Variants in SPTA1 observed in about 807,000 individuals in gnomAD.
SPTA1 encodes spectrin alpha chain, erythrocytic 1.
SPTA1 carries 177 observed loss-of-function variants against 324.7 expected under a neutral mutation model. The observed-to-expected ratio is 0.55, with a 90% confidence interval of 0.48 to 0.62. The LOEUF is 0.62. Among genes scored for constraint, SPTA1 ranks in the 20% least tolerant of loss-of-function variants. SPTA1 has a pLI of 0.00. For synonymous variants in SPTA1, 1,195 were observed against 1,041.3 expected, an observed-to-expected ratio of 1.15 and a Z score of -2.84; for missense variants, 3,162 against 2,883.6, an observed-to-expected ratio of 1.10 and a Z score of -2.21.
chr1:158,667,210 TATGTTTATAGATG>T (rs928953679), intron 15 of SPTA1, among the ~76,000 whole-genome samples: 6 of 152,190 alleles, frequency 3.9e-5, no homozygotes, highest in South Asian at 2.1e-4. Context: ...AAGGAAAAGT[TATGTTTATAGATG>T]ATGTTTATAA....
At position 158,661,272 on chromosome 1, in the gene SPTA1, C is replaced by T. The variant is rs1264135527; in HGVS notation, c.2587+15G>A. 4 of 1,613,658 alleles carry T rather than the reference C, an allele frequency of 2.5e-6. No individual in the cohort carries two copies. The African/African-American group carries it at 5.3e-5, about 22-fold the overall frequency. On this transcript the variant is annotated intron_variant, in intron 18 of 51. Transcript: ENST00000643759. ...CTGGTGATGTTTTGTCCAACTGAAT[C>T]TCAATCATACATACCTTCCTCTACC...
Position 158,623,138 on chromosome 1 carries a change from T to C in SPTA1, c.5965A>G (p.Thr1989Ala), listed in dbSNP as rs763995272. The C allele has an allele frequency of 8.7e-6, 14 of 1,614,018 alleles. No homozygotes were observed. The Middle Eastern group carries it at 6.6e-4, about 76-fold the overall frequency. Residue 1989 changes from threonine to alanine, a missense_variant, in exon 43 of 52, where the codon ACT becomes GCT. Transcript: ENST00000643759. Reference protein sequence around the residue: ...SFQQERLPEITDLKDKLISAQ... With the variant: ...SFQQERLPEIADLKDKLISAQ... ...GAAATCAGTTTGTCCTTCAGGTCAG[T>C]GATCTCGGGAAGTCTCTCTTGCTGG...
rs371290853 is a variant in SPTA1, at chr1:158,642,540, C to T, written c.4608G>A (p.Arg1536=). 1.2e-5 allele frequency: 20 copies of T among 1,613,246 alleles called. No homozygotes were observed. The highest frequency in any genetic ancestry group is 2.7e-5 in the African/African-American group (2 of 74,812). Residue 1536 remains arginine, a splice_region_variant and synonymous_variant, in exon 33 of 52, where the codon AGG becomes AGA. Transcript: ENST00000643759. ...ESYKDATNIQ[R]KYLKHQTFAH... is the part of the protein sequence containing the mutation. ...CAAAGGTCTGGTGTTTCAGGTATTT[C>T]CTCTGAAGGGAAAATGAAACAGAAA... is the stretch of plus-strand genomic sequence containing the variant.
intron 51 of SPTA1, 125 bp downstream of exon 51, chr1:158,612,692 T>C (rs1649332739): frequency 2.9e-6 from 3 of 1,019,562 alleles, no homozygotes; most frequent in Middle Eastern, 2.1e-4. Flanking sequence ...TGACATCTTG[T>C]GAAAGGGGAG....
intron 16 of SPTA1, 110 bp downstream of exon 16, chr1:158,666,206 T>TATTACTTATTAAGTAATTAATAAGTAATA (rs1194924064): frequency 1.1e-4 from 120 of 1,070,634 alleles, no homozygotes; most frequent in African/African-American, 8.3e-4. Flanking sequence ...CATTGCTTAT[T>TATTACTTATTAAGTAATTAATAAGTAATA]ATTACTTATT....
intron 26 of SPTA1, 86 bp downstream of exon 26, chr1:158,648,423 A>T: frequency 6.3e-7 from 1 of 1,575,340 alleles, no homozygotes; most frequent in East Asian, 2.2e-5. Context: ...TAAAAGACTG[A>T]AAAAGAGAAC....
rs779691918 is a variant in SPTA1, at chr1:158,614,323, A to AC, written c.6789-18_6789-17insG. 13 of 1,575,468 alleles carry AC rather than the reference A, an allele frequency of 8.3e-6. No individual in the cohort carries two copies. The highest frequency in any genetic ancestry group is 1.0e-5 in the Non-Finnish European group (12 of 1,149,480). On this transcript the variant is annotated splice_polypyrimidine_tract_variant and intron_variant, in intron 48 of 51. Coordinates refer to ENST00000643759, the MANE Select transcript of SPTA1 (RefSeq NM_003126.4). ...TTGATGTCCCTGAAAGAAAAAAAAA[A>AC]AACATGAATTTTCCCTGTATATGAA...
chr1:158,624,348 G>GCAC (rs1209208464), intron 42 of SPTA1, among the ~76,000 whole-genome samples: 50 of 152,178 alleles, frequency 3.3e-4, no homozygotes, highest in Non-Finnish European at 6.5e-4. Context: ...TAGGAGGGAG[G>GCAC]CTGTACCCTG....
At position 158,672,138 on chromosome 1, in the gene SPTA1, C is replaced by G. The variant is rs370498187; in HGVS notation, c.1409G>C (p.Arg470Pro). ...ALLELWDERH[R>P]QYEQCLDFHL... ...AAAGTCCAAGCACTGCTCATACTGA[C>G]GATGACGCTCGTCCCACAGTTCCAG... The change falls in exon 11 of 52, where the codon CGT (arginine) becomes CCT (proline). Residue 470 changes from arginine to proline, a missense_variant. Transcript: ENST00000643759. 6.2e-7 allele frequency: 1 copy of G among 1,614,084 alleles called. No homozygotes were observed. Among genetic ancestry groups the G allele is most frequent in the African/African-American group, 1.3e-5 (1 of 75,038 alleles).
rs187967889 is a variant in SPTA1 at position 158,658,236 on chromosome 1, A to G, written c.2588-542T>C. On this transcript the variant is annotated intron_variant, in intron 18 of 51. Transcript: ENST00000643759. ...CTGTAGGCCTGGGTAGCTAACCCAG[A>G]TAGAACCACCAGTCACACTGAATTG... Among the ~76,000 whole-genome samples, 491 of 152,332 alleles carry G rather than the reference A, an allele frequency of 3.2e-3. 3 individuals are homozygous for G. The highest frequency in any genetic ancestry group is 0.01 in the African/African-American group (418 of 41,570).
chr1:158,684,028 T>C (rs1249015835), intron 2 of SPTA1, among the ~76,000 whole-genome samples: 1 of 151,768 alleles, frequency 6.6e-6, no homozygotes, highest in Non-Finnish European at 1.5e-5. Flanking sequence ...GGTAGGCACT[T>C]TCACCAAATT....
chr1:158,616,638 A>G (rs1649572093), intron 47 of SPTA1, among the ~76,000 whole-genome samples: 1 of 152,198 alleles, frequency 6.6e-6, no homozygotes, highest in Admixed American at 6.5e-5. Context: ...TTTCTTTATC[A>G]GTTAATCCAT....
chr1:158,615,387 A>C lies in SPTA1; in HGVS notation c.6617T>G (p.Ile2206Ser). The C allele has an allele frequency of 6.2e-7, 1 of 1,613,980 alleles. No homozygotes were observed. The highest frequency in any genetic ancestry group is 8.5e-7 in the Non-Finnish European group (1 of 1,179,996). ...GGTTAGTTGACGCTTCATCGCCTGGATCTCCTTCTGTTTTCTCTGGAAAAA... is the reference window on the plus strand; with the variant it reads ...GGTTAGTTGACGCTTCATCGCCTGGCTCTCCTTCTGTTTTCTCTGGAAAAA... ...LEANKRKQKE[I>S]QAMKRQLTKI... The change falls in exon 48 of 52, where the codon ATC becomes AGC. Residue 2206 changes from isoleucine to serine, a missense_variant. Transcript: ENST00000643759.
chr1:158,683,557 C>T lies in SPTA1; in HGVS notation c.265-61G>A, dbSNP rs1298087244. On this transcript the variant is annotated intron_variant, in intron 2 of 51. Transcript: ENST00000643759. Reference sequence around the variant, plus strand: ...GCACAGTCTTCATGGGAAATGTTCACTCTATGTAAAGCCACCAAACACAGG... The same window carrying T: ...GCACAGTCTTCATGGGAAATGTTCATTCTATGTAAAGCCACCAAACACAGG... 5 of 1,606,388 alleles carry T rather than the reference C, an allele frequency of 3.1e-6. No homozygotes were observed. In the African/African-American group the frequency reaches 4.0e-5, roughly 13 times the overall value.
chr1:158,630,570 C>G (rs1650603231), intron 39 of SPTA1, among the ~76,000 whole-genome samples: 1 of 151,872 alleles, frequency 6.6e-6, no homozygotes. Context: ...CTTCATGATA[C>G]TGGTCTTGGC....
rs142901870 is a variant in SPTA1, at chr1:158,656,352, C to A, written c.2898+212G>T. ...AAAGCCAAAAATACATCAATGAAGA[C>A]ATGATACCATTTATCAAAAACCTCT... On this transcript the variant is annotated intron_variant, in intron 20 of 51. Coordinates refer to ENST00000643759, the MANE Select transcript of SPTA1 (RefSeq NM_003126.4). 3.1e-3 allele frequency among the ~76,000 whole-genome samples: 465 copies of A among 152,274 alleles called. 2 individuals are homozygous for A. The highest frequency in any genetic ancestry group is 1.0e-2 in the African/African-American group (414 of 41,538).
In SPTA1 at chr1:158,614,289, C is replaced by G. The variant is rs1557918592; in HGVS notation, c.6806G>C (p.Ser2269Thr). ...GCTAAATTCCTTTAGAGTCTCTTCA[C>G]TCACACCTTTGATGTCCCTGAAAGA... ...QIQAKDIKGVSEETLKEFSTI... is the reference protein window; with the variant it reads ...QIQAKDIKGVTEETLKEFSTI... The change falls in exon 49 of 52, where the codon AGT (serine) becomes ACT (threonine). Residue 2269 changes from serine (S) to threonine (T), a missense_variant. By Grantham distance (58) the Ser-to-Thr change is moderately conservative. Transcript: ENST00000643759. 6.3e-7 allele frequency: 1 copy of G among 1,591,018 alleles called. No homozygotes were observed. The highest frequency in any genetic ancestry group is 8.6e-7 in the Non-Finnish European group (1 of 1,161,122).
rs1651358546 is a variant in SPTA1 at position 158,639,437 on chromosome 1, T to C, written c.4980+145A>G. On this transcript the variant is annotated intron_variant, in intron 35 of 51. Coordinates refer to ENST00000643759, the MANE Select transcript of SPTA1 (RefSeq NM_003126.4). ...TTAATGTCTTCACAGCCCGTTAATTTTACCTAATTAAAATGACTGCTGGTT... is the reference window on the plus strand; with the variant it reads ...TTAATGTCTTCACAGCCCGTTAATTCTACCTAATTAAAATGACTGCTGGTT... The C allele has an allele frequency of 1.0e-5, 8 of 789,980 alleles. No individual in the cohort carries two copies. In the East Asian group the frequency reaches 2.0e-4, roughly 20 times the overall value. The allele number at this position is 789,980 out of a possible 1,614,324, so 48.9% of individuals were successfully genotyped here. A position where few individuals can be genotyped will look rare whatever the true frequency, so the allele number is the denominator to read the frequency against.
At position 158,615,411 on chromosome 1, in the gene SPTA1, A is replaced by C; in HGVS notation, c.6601-8T>G. 4 of 1,613,842 alleles carry C rather than the reference A, an allele frequency of 2.5e-6. No homozygotes were observed. The highest frequency in any genetic ancestry group is 3.4e-6 in the Non-Finnish European group (4 of 1,179,912). On this transcript the variant is annotated splice_region_variant and splice_polypyrimidine_tract_variant and intron_variant, in intron 47 of 51. Transcript: ENST00000643759. ...GATCTCCTTCTGTTTTCTCTGGAAAAACGACAGAGAAGAGAGACAATTAGT... is the reference window on the plus strand; with the variant it reads ...GATCTCCTTCTGTTTTCTCTGGAAACACGACAGAGAAGAGAGACAATTAGT...
Sources: gnomAD v4.1 joint callset for allele counts (sites outside exome capture counted in the v4.1 genomes callset) on GRCh38, gnomAD v4.1.1 for gene constraint, MANE v1.5 for transcripts, NCBI Gene and HGNC (gene_info 2026-07-23, HGNC 2026-07-21) for gene names.